The following CAPZB variants were observed in gnomAD, a reference collection of about 807,000 sequenced individuals.
CAPZB encodes the protein F-actin-capping protein subunit beta.
CAPZB carries 2 observed loss-of-function variants against 38.1 expected under a neutral mutation model. The ratio of observed to expected loss-of-function variants is 0.05; its 90% CI spans 0.02 to 0.17. The LOEUF is 0.17. Among genes scored for constraint, CAPZB ranks in the 10% least tolerant of loss-of-function variants. The pLI, the probability that CAPZB is intolerant of heterozygous loss-of-function variation, is 1.00. For missense variants in CAPZB, 161 were observed against 334.2 expected (o/e 0.48, Z 4.04); for synonymous variants, 107 against 127.4 (o/e 0.84, Z 1.08).
chr1:19,438,336 G>A (rs957721629), intron 1 of CAPZB, among the ~76,000 whole-genome samples: 10 of 152,240 alleles, frequency 6.6e-5, no homozygotes, highest in African/African-American at 1.9e-4. Flanking sequence ...GCGGCTTAGC[G>A]TACTTCGATA....
intron 4 of CAPZB, among the ~76,000 whole-genome samples, chr1:19,363,152 G>A (rs932482197): frequency 1.3e-5 from 2 of 151,302 alleles, no homozygotes; most frequent in Admixed American, 6.6e-5. Flanking sequence ...TGCGATCACC[G>A]CTCACTGCAG....
intron 4 of CAPZB, among the ~76,000 whole-genome samples, chr1:19,375,546 C>A (rs1457069172): frequency 2.0e-5 from 3 of 152,256 alleles, no homozygotes; most frequent in Admixed American, 6.5e-5. Context: ...CTGTTGCAGA[C>A]CCTCGGGGTC....
At chr1:19,484,465 G>A (rs1177431136) in intron 1 of CAPZB, 3 of 1,461,978 alleles carry the variant, frequency 2.1e-6, no homozygotes, top group Non-Finnish European at 1.8e-6. Flanking sequence ...AGCACCCACG[G>A]CGGCAGCCTC....
In CAPZB at chr1:19,397,826, T is replaced by C. The variant is rs556674737; in HGVS notation, c.94-12200A>G. 3.0e-3 allele frequency among the ~76,000 whole-genome samples: 266 copies of C among 88,516 alleles called. 1 individual carries two copies. Among genetic ancestry groups the C allele is most frequent in the African/African-American group, 0.013 (252 of 18,712 alleles). 58.1% of individuals were successfully genotyped at this position (88,516 alleles called of 152,430 possible). On this transcript the variant is annotated intron_variant, in intron 2 of 8. Transcript: ENST00000264202. ...TACCATGGAAGTTACAAAATAAGAATGCAGGGGGAAGCCTGAGGGCGCGCG... is the reference window on the plus strand; with the variant it reads ...TACCATGGAAGTTACAAAATAAGAACGCAGGGGGAAGCCTGAGGGCGCGCG...
At chr1:19,406,318 T>A (rs565870004) in intron 2 of CAPZB, among the ~76,000 whole-genome samples, 20 of 152,254 alleles carry the variant, frequency 1.3e-4, no homozygotes, top group African/African-American at 4.3e-4. Flanking sequence ...GCACTACTGC[T>A]TGGCAGCTGG....
intron 1 of CAPZB, among the ~76,000 whole-genome samples, chr1:19,438,671 C>A (rs558816683): frequency 6.6e-6 from 1 of 152,296 alleles, no homozygotes; most frequent in East Asian, 1.9e-4. Flanking sequence ...AGGTCTGCTC[C>A]GCCTCATCCA....
chr1:19,484,543 C>A (rs1160420723), intron 1 of CAPZB: 1 of 1,299,684 alleles, frequency 7.7e-7, no homozygotes, highest in Admixed American at 3.2e-5. Context: ...CTCGCTGGCT[C>A]CTAGGCGGCC....
At chr1:19,452,445 G>T (rs558918101) in intron 1 of CAPZB, among the ~76,000 whole-genome samples, 3 of 152,182 alleles carry the variant, frequency 2.0e-5, no homozygotes, top group African/African-American at 4.8e-5. Context: ...AAACATTCCC[G>T]GAACAATTCT....
intron 2 of CAPZB, among the ~76,000 whole-genome samples, chr1:19,389,496 C>T (rs555783298): frequency 2.6e-5 from 4 of 151,998 alleles, no homozygotes; most frequent in South Asian, 2.1e-4. Flanking sequence ...GGCGCGATCT[C>T]GGCTCACTGC....
chr1:19,460,044 G>A (rs538552445), intron 1 of CAPZB, among the ~76,000 whole-genome samples: 1 of 152,086 alleles, frequency 6.6e-6, no homozygotes, highest in African/African-American at 2.4e-5. Context: ...TAAGTGAAAA[G>A]GTGAAAGTTC....
At chr1:19,341,716 A>C (rs2093930078) in intron 8 of CAPZB, among the ~76,000 whole-genome samples, 1 of 152,220 alleles carries the variant, frequency 6.6e-6, no homozygotes, top group Admixed American at 6.5e-5. Flanking sequence ...GTTTTTTCTC[A>C]ATGCCATGAT....
At chr1:19,348,139 C>A (rs756545433) in intron 6 of CAPZB, among the ~76,000 whole-genome samples, 1 of 152,198 alleles carries the variant, frequency 6.6e-6, no homozygotes, top group African/African-American at 2.4e-5. Flanking sequence ...AGCATTCCCA[C>A]CCCATCGCGT....
intron 6 of CAPZB, among the ~76,000 whole-genome samples, chr1:19,348,537 A>G (rs2100267582): frequency 6.6e-6 from 1 of 152,108 alleles, no homozygotes; most frequent in African/African-American, 2.4e-5. Flanking sequence ...GGGAGACACA[A>G]GAGATTCTGG....
In CAPZB at chr1:19,339,477, A is replaced by G. The variant is rs905201825; in HGVS notation, c.*53T>C. ...GAAGGGAGCAGAAAACGAGTTTTCTAAGAAAGGAATCTAACGAGTGCACGG... is the reference window on the plus strand; with the variant it reads ...GAAGGGAGCAGAAAACGAGTTTTCTGAGAAAGGAATCTAACGAGTGCACGG... On this transcript the variant is annotated 3_prime_UTR_variant, in exon 9 of 9. Coordinates refer to ENST00000264202, the MANE Select transcript of CAPZB (RefSeq NM_004930.5). 1.1e-5 allele frequency: 15 copies of G among 1,369,890 alleles called. No homozygotes were observed. Among genetic ancestry groups the G allele is most frequent in the African/African-American group, 1.0e-4 (7 of 70,044 alleles). 84.9% of individuals were successfully genotyped at this position (1,369,890 alleles called of 1,614,324 possible).
intron 1 of CAPZB, among the ~76,000 whole-genome samples, chr1:19,449,878 C>T (rs140737118): frequency 1.3e-5 from 2 of 151,294 alleles, no homozygotes; most frequent in African/African-American, 2.4e-5. Context: ...CAGTAGCTCA[C>T]GCCTGTTATC....
intron 6 of CAPZB, among the ~76,000 whole-genome samples, chr1:19,350,535 A>C (rs2093986138): frequency 6.6e-6 from 1 of 152,268 alleles, no homozygotes; most frequent in Non-Finnish European, 1.5e-5. Context: ...ACGGTTGCCC[A>C]GTTTAGGAAA....
intron 2 of CAPZB, among the ~76,000 whole-genome samples, chr1:19,418,369 T>C (rs1430069514): frequency 6.6e-6 from 1 of 152,120 alleles, no homozygotes; most frequent in South Asian, 2.1e-4. Context: ...CGCTGGCTCC[T>C]GGCCGGGGAC....
intron 1 of CAPZB, among the ~76,000 whole-genome samples, chr1:19,447,831 G>A (rs1047875506): frequency 9.2e-5 from 14 of 152,210 alleles, no homozygotes; most frequent in African/African-American, 3.4e-4. Flanking sequence ...GGGCCTCTCT[G>A]ATGCACTGGT....
At chr1:19,484,551 G>T (rs1037972864) in intron 1 of CAPZB, 5 of 1,285,088 alleles carry the variant, frequency 3.9e-6, no homozygotes, top group Middle Eastern at 3.2e-4. Flanking sequence ...CTCCTAGGCG[G>T]CCTCCCTAGA....
Sources: gnomAD v4.1 joint callset for allele counts (sites outside exome capture counted in the v4.1 genomes callset) on GRCh38, gnomAD v4.1.1 for gene constraint, MANE v1.5 for transcripts, NCBI Gene and HGNC (gene_info 2026-07-23, HGNC 2026-07-21) for gene names.